Variants in PGM1 observed in about 807,000 individuals in gnomAD.
PGM1 encodes phosphoglucomutase-1.
Under a neutral mutation model 55.6 loss-of-function variants are expected in PGM1, and 52 were observed. That is an observed-to-expected ratio of 0.94 (90% confidence interval 0.75 to 1.18). The LOEUF is 1.18. PGM1 is among the 50% of genes most tolerant of loss of function. The pLI is 0.00. For missense variants in PGM1, 724 were observed against 729.3 expected, an observed-to-expected ratio of 0.99 and a Z score of 0.08; for synonymous variants, 287 against 271.7, an observed-to-expected ratio of 1.06 and a Z score of -0.55.
At chr1:63,638,907 C>T in intron 7 of PGM1, 107 bp downstream of exon 7, 1 of 839,730 alleles carries the variant, frequency 1.2e-6, no homozygotes, top group Non-Finnish European at 2.1e-6. Flanking sequence ...CCGATGTGTC[C>T]TAAATCAAGG....
chr1:63,608,404 C>T (rs543127609), intron 1 of PGM1, among the ~76,000 whole-genome samples: 1 of 152,320 alleles, frequency 6.6e-6, no homozygotes, highest in East Asian at 1.9e-4. Context: ...ATACCCGGCC[C>T]TGACCGAGGA....
chr1:63,658,072 G>C (rs1650012526), intron 10 of PGM1, among the ~76,000 whole-genome samples: 1 of 152,230 alleles, frequency 6.6e-6, no homozygotes, highest in South Asian at 2.1e-4. Context: ...TAGCCGGGGA[G>C]CTGCCTTTCC....
At chr1:63,653,366 G>A (rs1418048513) in intron 9 of PGM1, among the ~76,000 whole-genome samples, 1 of 152,194 alleles carries the variant, frequency 6.6e-6, no homozygotes, top group African/African-American at 2.4e-5. Flanking sequence ...AAAATGGACC[G>A]TATCCTTCCC....
chr1:63,638,403 A>G (rs1649418236), intron 6 of PGM1, among the ~76,000 whole-genome samples: 1 of 152,244 alleles, frequency 6.6e-6, no homozygotes, highest in Admixed American at 6.5e-5. Context: ...TAAATAGCTT[A>G]AACAGCAGCC....
intron 7 of PGM1, among the ~76,000 whole-genome samples, chr1:63,640,469 G>A (rs1420678715): frequency 2.0e-5 from 3 of 152,274 alleles, no homozygotes; most frequent in South Asian, 2.1e-4. Flanking sequence ...TGTTAGTACA[G>A]TTTTGCCTAA....
chr1:63,633,240 G>A (rs940831968), intron 4 of PGM1, among the ~76,000 whole-genome samples: 6 of 152,180 alleles, frequency 3.9e-5, no homozygotes, highest in African/African-American at 9.7e-5. Context: ...GTCGGTGGCT[G>A]TGGCAAAGGC....
Position 63,629,432 on chromosome 1 carries a change from G to A in PGM1, c.254G>A (p.Arg85His), listed in dbSNP as rs200225686. 3.3e-5 allele frequency: 54 copies of A among 1,613,126 alleles called. No individual in the cohort carries two copies. Among genetic ancestry groups the A allele is most frequent in the Admixed American group, 8.3e-5 (5 of 59,970 alleles). Residue 85 changes from arginine (R) to histidine (H), a missense_variant, in exon 2 of 11, where the codon CGC becomes CAC. By Grantham distance (29) the Arg-to-His change is conservative (BLOSUM62 0). Coordinates refer to ENST00000371084, the MANE Select transcript of PGM1 (RefSeq NM_002633.3). ...ARIAAANGIGRLVIGQNGILS... is the reference protein window; with the variant it reads ...ARIAAANGIGHLVIGQNGILS... The stretch of plus-strand genomic sequence containing the variant: ...CTGGATTTCTTCTCCTAGATCGGTC[G>A]CTTGGTTATCGGACAGAATGGAATC...
Position 63,636,174 on chromosome 1 carries a change from T to C in PGM1, c.874-60T>C, listed in dbSNP as rs536341696. ...CATTTTATAAAACCCCCATGAAAGA[T>C]AGTTTGATTTCTTATAGTTTGATTA... On this transcript the variant is annotated intron_variant, in intron 5 of 10. Transcript: ENST00000371084. 3.1e-5 allele frequency: 45 copies of C among 1,471,302 alleles called. No individual in the cohort carries two copies. The Admixed American group carries it at 4.3e-4, about 14-fold the overall frequency. 91.1% of individuals were successfully genotyped at this position (1,471,302 alleles called of 1,614,324 possible). A position where few individuals can be genotyped will look rare whatever the true frequency, so the allele number is the denominator to read the frequency against.
intron 3 of PGM1, 134 bp from the exon 4 acceptor site, chr1:63,631,523 G>A (rs943400722): frequency 3.3e-5 from 26 of 794,010 alleles, no homozygotes; most frequent in Middle Eastern, 3.3e-4. Flanking sequence ...CTTAACAGCC[G>A]TATTATTGGA....
chr1:63,649,207 C>T (rs1471836304), intron 8 of PGM1, among the ~76,000 whole-genome samples: 2 of 152,168 alleles, frequency 1.3e-5, no homozygotes, highest in East Asian at 1.9e-4. Flanking sequence ...TCCCCAAGGG[C>T]TATATACTTG....
At chr1:63,638,859 C>T (rs922166419) in intron 7 of PGM1, 59 bp downstream of exon 7, 1 of 1,179,942 alleles carries the variant, frequency 8.5e-7, no homozygotes, top group Non-Finnish European at 1.3e-6. Context: ...CCAGTAAAAG[C>T]TTAGACTGCT....
At chr1:63,657,464 C>T (rs996636440) in intron 10 of PGM1, among the ~76,000 whole-genome samples, 13 of 152,180 alleles carry the variant, frequency 8.5e-5, no homozygotes, top group African/African-American at 3.1e-4. Flanking sequence ...GAATAAGCAG[C>T]ACTCTTAGTT....
At chr1:63,597,876 TTTGTTG>T (rs937697563) in intron 1 of PGM1, among the ~76,000 whole-genome samples, 3 of 152,146 alleles carry the variant, frequency 2.0e-5, no homozygotes, top group Admixed American at 6.5e-5. Flanking sequence ...AAGGAGGGTA[TTTGTTG>T]TTGTTGTTGT....
At position 63,630,007 on chromosome 1, in the gene PGM1, G is replaced by A. The variant is rs1335667149; in HGVS notation, c.475G>A (p.Val159Ile). Residue 159 changes from valine to isoleucine, a missense_variant, in exon 3 of 11, where the codon GTT becomes ATT. Val to Ile is a conservative substitution (Grantham distance 29, BLOSUM62 3). This residue lies in a region of PGM1 where 379 missense variants were observed against 357.5 expected (regional missense o/e 1.06). Transcript: ENST00000371084. ...QISKTIEEYA[V>I]CPDLKVDLGV... is the part of the protein sequence containing the mutation. ...CAGCAAGACAATTGAAGAATATGCA[G>A]TTTGCCCTGACCTGAAAGTAGACCT... is the stretch of plus-strand genomic sequence containing the variant. 30 of 1,613,912 alleles carry A rather than the reference G, an allele frequency of 1.9e-5. No homozygotes were observed. The highest frequency in any genetic ancestry group is 2.5e-5 in the Non-Finnish European group (29 of 1,179,924).
chr1:63,612,430 T>G lies in PGM1; in HGVS notation c.247-16995T>G, dbSNP rs142751651. On this transcript the variant is annotated intron_variant, in intron 1 of 10. Coordinates refer to ENST00000371084, the MANE Select transcript of PGM1 (RefSeq NM_002633.3). ...AATGATTGATATATAGTTCACTAAG[T>G]TAAATTATACATTTATAGACGCAAA... 3.4e-4 allele frequency among the ~76,000 whole-genome samples: 52 copies of G among 152,340 alleles called. No individual in the cohort carries two copies. The East Asian group carries it at 9.1e-3, about 27-fold the overall frequency.
At position 63,593,577 on chromosome 1, in the gene PGM1, A is replaced by T; in HGVS notation, c.89A>T (p.Gln30Leu). 1 of 1,613,812 alleles carries T rather than the reference A, an allele frequency of 6.2e-7. No homozygotes were observed. The highest frequency in any genetic ancestry group is 8.5e-7 in the Non-Finnish European group (1 of 1,179,914). ...CTGCGGAAGCGGGTGAAGGTGTTCCAGAGCAGCGCCAACTACGCGGAGAAC... is the reference window on the plus strand; with the variant it reads ...CTGCGGAAGCGGGTGAAGGTGTTCCTGAGCAGCGCCAACTACGCGGAGAAC... ...SGLRKRVKVF[Q>L]SSANYAENFI... Residue 30 changes from glutamine to leucine, a missense_variant, in exon 1 of 11, where the codon CAG becomes CTG. Coordinates refer to ENST00000371084, the MANE Select transcript of PGM1 (RefSeq NM_002633.3).
chr1:63,638,565 A>G, intron 6 of PGM1, 120 bp from the exon 7 acceptor site: 1 of 767,908 alleles, frequency 1.3e-6, no homozygotes, highest in South Asian at 1.4e-5. Flanking sequence ...AGAATTATGT[A>G]TGACTCTGAG....
chr1:63,626,561 T>C (rs986508194), intron 1 of PGM1, among the ~76,000 whole-genome samples: 12 of 152,118 alleles, frequency 7.9e-5, no homozygotes, highest in African/African-American at 2.7e-4. Flanking sequence ...TTATTCCCTT[T>C]TTTTAAGTTA....
chr1:63,606,691 T>C (rs775481285), intron 1 of PGM1, among the ~76,000 whole-genome samples: 1 of 152,226 alleles, frequency 6.6e-6, no homozygotes, highest in Non-Finnish European at 1.5e-5. Flanking sequence ...GTGTCATCTG[T>C]CAAGCTAAAC....
Sources: gnomAD v4.1 joint callset for allele counts (sites outside exome capture counted in the v4.1 genomes callset) on GRCh38, gnomAD v4.1.1 for gene constraint, gnomAD v4.1.1 regional missense constraint, MANE v1.5 for transcripts, NCBI Gene and HGNC (gene_info 2026-07-23, HGNC 2026-07-21) for gene names.